HECTD2: variants seen among roughly 807,000 people sequenced by gnomAD.
The protein encoded by HECTD2 is probable E3 ubiquitin-protein ligase HECTD2.
HECTD2 carries 35 observed loss-of-function variants against 103.2 expected under a neutral mutation model. That is an observed-to-expected ratio of 0.34 (90% CI 0.26 to 0.45). HECTD2 has a LOEUF of 0.45. Ranked by LOEUF, HECTD2 falls within the 20% of genes least tolerant of loss-of-function variation. The probability of loss-of-function intolerance (pLI) is 1.00; values close to 1 mark genes in which losing one functional copy is unlikely to be tolerated. For missense variants in HECTD2, 596 were observed against 937.4 expected (o/e 0.64, Z 4.76); for synonymous variants, 281 against 329.9 (o/e 0.85, Z 1.61).
At chr10:91,465,436 A>G (rs1241511099) in intron 5 of HECTD2, among the ~76,000 whole-genome samples, 8 of 152,096 alleles carry the variant, frequency 5.3e-5, no homozygotes, top group Non-Finnish European at 1.2e-4. Context: ...TCTAAATACC[A>G]TGTCACACTA....
intron 1 of HECTD2, among the ~76,000 whole-genome samples, chr10:91,418,533 C>T (rs1489620365): frequency 6.6e-6 from 1 of 152,086 alleles, no homozygotes; most frequent in Non-Finnish European, 1.5e-5. Flanking sequence ...ACCAATTCCA[C>T]TTGGGCTGGT....
intron 2 of HECTD2, among the ~76,000 whole-genome samples, chr10:91,436,274 T>C (rs1348564020): frequency 2.0e-5 from 3 of 151,918 alleles, no homozygotes; most frequent in Non-Finnish European, 4.4e-5. Context: ...ATAAATAAGA[T>C]TTGTTAACCA....
At chr10:91,430,504 G>T (rs919279837) in intron 2 of HECTD2, among the ~76,000 whole-genome samples, 3 of 152,154 alleles carry the variant, frequency 2.0e-5, no homozygotes, top group African/African-American at 7.2e-5. Context: ...TTATTAATGT[G>T]TGGGAGTCTA....
chr10:91,454,462 G>C (rs1228172582), intron 2 of HECTD2, among the ~76,000 whole-genome samples: 2 of 152,082 alleles, frequency 1.3e-5, no homozygotes, highest in Non-Finnish European at 2.9e-5. Flanking sequence ...CGATGAGATG[G>C]AATGAAAATA....
intron 2 of HECTD2, among the ~76,000 whole-genome samples, chr10:91,438,984 G>C (rs1041215032): frequency 1.1e-4 from 17 of 152,136 alleles, no homozygotes; most frequent in African/African-American, 3.4e-4. Flanking sequence ...TTAGCCCTTT[G>C]TCAGATGGAT....
chr10:91,456,923 G>T (rs1050212008), intron 2 of HECTD2, among the ~76,000 whole-genome samples: 1 of 152,038 alleles, frequency 6.6e-6, no homozygotes, highest in Non-Finnish European at 1.5e-5. Context: ...GACAAGATCA[G>T]TAAAATTGAT....
At chr10:91,410,947 T>C (rs1336044486) in intron 1 of HECTD2, among the ~76,000 whole-genome samples, 4 of 151,730 alleles carry the variant, frequency 2.6e-5, no homozygotes, top group Non-Finnish European at 5.9e-5. Flanking sequence ...TCCACGGAGG[T>C]GCCTGCCTGC....
At chr10:91,481,349 G>T (rs1164172975) in intron 7 of HECTD2, among the ~76,000 whole-genome samples, 1 of 151,752 alleles carries the variant, frequency 6.6e-6, no homozygotes, top group African/African-American at 2.4e-5. Context: ...AGAAAAATAA[G>T]ATTAAAGCCA....
At chr10:91,417,333 T>C (rs914059319) in intron 1 of HECTD2, among the ~76,000 whole-genome samples, 1 of 152,196 alleles carries the variant, frequency 6.6e-6, no homozygotes, top group Non-Finnish European at 1.5e-5. Context: ...ATGTGCCCTT[T>C]TTTTTTGCTT....
chr10:91,412,370 G>GA (rs1052955664), intron 1 of HECTD2, among the ~76,000 whole-genome samples: 3 of 151,122 alleles, frequency 2.0e-5, no homozygotes, highest in East Asian at 3.9e-4. Flanking sequence ...ATATATTCAA[G>GA]AAAAAAATTT....
chr10:91,494,815 C>G (rs1334241761), intron 14 of HECTD2, among the ~76,000 whole-genome samples: 3 of 151,934 alleles, frequency 2.0e-5, no homozygotes, highest in Non-Finnish European at 4.4e-5. Context: ...TTTATATGTT[C>G]ATACATATAT....
chr10:91,480,351 G>C (rs980133623), intron 6 of HECTD2, among the ~76,000 whole-genome samples: 2 of 151,930 alleles, frequency 1.3e-5, no homozygotes, highest in Middle Eastern at 3.2e-3. Context: ...AGGCAAGAAA[G>C]AAACACTTGT....
intron 2 of HECTD2, among the ~76,000 whole-genome samples, chr10:91,457,229 T>C (rs1411703825): frequency 6.6e-6 from 1 of 152,054 alleles, no homozygotes; most frequent in Non-Finnish European, 1.5e-5. Context: ...TTCTACCAAA[T>C]GTTTAAAGAA....
chr10:91,410,607 CCG>C lies in HECTD2; in HGVS notation c.138+32_138+33del, dbSNP rs1029065427. 7.6e-6 allele frequency: 9 copies of C among 1,183,238 alleles called. No individual in the cohort carries two copies. The Admixed American group carries it at 3.3e-4, about 43-fold the overall frequency. The allele number at this position is 1,183,238 out of a possible 1,614,324, so 73.3% of individuals were successfully genotyped here. ...TGGTGGGCCGGGGCCGTCTGGCGCCCCGGACGGCGGGAGTTGGGAGGGACGGC... is the reference window on the plus strand; with the variant it reads ...TGGTGGGCCGGGGCCGTCTGGCGCCCGACGGCGGGAGTTGGGAGGGACGGC... On this transcript the variant is annotated intron_variant, in intron 1 of 20. Coordinates refer to ENST00000298068, the MANE Select transcript of HECTD2 (RefSeq NM_182765.6).
chr10:91,419,786 T>C (rs1057233945), intron 1 of HECTD2, among the ~76,000 whole-genome samples: 9 of 152,184 alleles, frequency 5.9e-5, no homozygotes, highest in African/African-American at 1.9e-4. Context: ...TGGTTGAGTA[T>C]CCCACTACTA....
intron 20 of HECTD2, among the ~76,000 whole-genome samples, chr10:91,505,218 C>T (rs1408980728): frequency 5.3e-5 from 8 of 151,550 alleles, no homozygotes; most frequent in Admixed American, 1.3e-4. Context: ...CATCAACTAA[C>T]GAGCAAAGTA....
chr10:91,445,863 C>T (rs925311021), intron 2 of HECTD2, among the ~76,000 whole-genome samples: 4 of 152,156 alleles, frequency 2.6e-5, no homozygotes, highest in African/African-American at 4.8e-5. Flanking sequence ...CCAGATACTA[C>T]ACTTTTTCCA....
At chr10:91,468,169 G>A (rs1295084717) in intron 5 of HECTD2, among the ~76,000 whole-genome samples, 1 of 152,168 alleles carries the variant, frequency 6.6e-6, no homozygotes, top group Non-Finnish European at 1.5e-5. Flanking sequence ...GTTAGTGCCA[G>A]TGGACCAAGA....
intron 2 of HECTD2, among the ~76,000 whole-genome samples, chr10:91,453,971 AC>A (rs1375598253): frequency 6.6e-6 from 1 of 152,136 alleles, no homozygotes; most frequent in Non-Finnish European, 1.5e-5. Context: ...AGGGATAATC[AC>A]CCAAAATATA....
Sources: allele counts gnomAD v4.1 joint callset (sites outside exome capture counted in the v4.1 genomes callset), GRCh38; gene constraint gnomAD v4.1.1; transcripts MANE v1.5; gene names NCBI Gene and HGNC (gene_info 2026-07-23, HGNC 2026-07-21).